The following CSNK1G1 variants were observed in gnomAD, a reference collection of about 807,000 sequenced individuals.
CSNK1G1 encodes the protein casein kinase I isoform gamma-1.
A neutral mutation model predicts 59.6 loss-of-function variants in CSNK1G1; 22 were observed. That is an observed-to-expected ratio of 0.37 (90% confidence interval 0.26 to 0.53). The LOEUF (loss-of-function observed/expected upper bound fraction) is 0.53. Ranked by LOEUF, CSNK1G1 falls within the 20% of genes least tolerant of loss-of-function variation. The pLI, the probability that CSNK1G1 is intolerant of heterozygous loss-of-function variation, is 0.89. For missense variants in CSNK1G1, 384 were observed against 519.5 expected (o/e 0.74, Z 2.54); for synonymous variants, 179 against 177.1 (o/e 1.01, Z -0.08).
chr15:64,282,356 T>A (rs572049780), intron 2 of CSNK1G1, among the ~76,000 whole-genome samples: 1 of 152,122 alleles, frequency 6.6e-6, no homozygotes, highest in South Asian at 2.1e-4. Context: ...AACCTCAGCC[T>A]CCCGGGTTCA....
chr15:64,213,972 G>A lies in CSNK1G1; in HGVS notation c.597C>T (p.Thr199=). Reference sequence around the variant, plus strand: ...GTTCCCTATAAGGTATGTGTTTTTTGGTTTCGGGGTCAATGTATTCCTTGG... The same window carrying A: ...GTTCCCTATAAGGTATGTGTTTTTTAGTTTCGGGGTCAATGTATTCCTTGG... The part of the protein sequence containing the change: ...GLAKEYIDPE[T]KKHIPYREHK... Residue 199 remains threonine (T), a synonymous_variant, in exon 6 of 12, where the codon ACC becomes ACT. Transcript: ENST00000303052. The A allele has an allele frequency of 6.2e-7, 1 of 1,613,998 alleles. No homozygotes were observed. Among genetic ancestry groups the A allele is most frequent in the South Asian group, 1.1e-5 (1 of 91,076 alleles).
At chr15:64,225,000 A>G (rs562382011) in intron 4 of CSNK1G1, among the ~76,000 whole-genome samples, 1 of 139,190 alleles carries the variant, frequency 7.2e-6, no homozygotes, top group East Asian at 2.1e-4. Flanking sequence ...TCCAAAATAC[A>G]CTTTTCTTTT....
intron 1 of CSNK1G1, among the ~76,000 whole-genome samples, chr15:64,342,082 G>A (rs534345046): frequency 2.0e-5 from 3 of 152,220 alleles, no homozygotes; most frequent in South Asian, 2.1e-4. Context: ...CGACAGTGAC[G>A]TCCCCTTGCA....
At chr15:64,189,571 G>T in intron 10 of CSNK1G1, 1 of 751,800 alleles carries the variant, frequency 1.3e-6, no homozygotes, top group Non-Finnish European at 1.7e-6. Context: ...CAGCTGCAGG[G>T]GTTAGGATGT....
At chr15:64,270,188 C>T (rs549010040) in intron 2 of CSNK1G1, among the ~76,000 whole-genome samples, 9 of 152,190 alleles carry the variant, frequency 5.9e-5, no homozygotes, top group Admixed American at 2.0e-4. Flanking sequence ...TGGATCTTCT[C>T]TCTTTTATTC....
At chr15:64,316,209 A>G (rs1000208805) in intron 1 of CSNK1G1, among the ~76,000 whole-genome samples, 1 of 134,330 alleles carries the variant, frequency 7.4e-6, no homozygotes, top group Non-Finnish European at 1.6e-5. Flanking sequence ...TTTAAAACAA[A>G]CAAACAAACA....
intron 1 of CSNK1G1, chr15:64,336,010 G>C (rs796550553): frequency 1.3e-5 from 2 of 152,120 alleles, no homozygotes; most frequent in African/African-American, 4.8e-5. Context: ...AATTTATGGA[G>C]CATGAATGAA....
intron 2 of CSNK1G1, among the ~76,000 whole-genome samples, chr15:64,276,588 C>T (rs768025589): frequency 2.6e-5 from 4 of 151,700 alleles, no homozygotes; most frequent in Non-Finnish European, 4.4e-5. Flanking sequence ...AAAAGAGTGA[C>T]GTACCAATGA....
chr15:64,288,346 G>C (rs1475977928), intron 2 of CSNK1G1, among the ~76,000 whole-genome samples: 1 of 151,914 alleles, frequency 6.6e-6, no homozygotes, highest in African/African-American at 2.4e-5. Context: ...ACGTCATTAG[G>C]GATGGCATCT....
chr15:64,261,336 C>T (rs780534199), intron 2 of CSNK1G1, among the ~76,000 whole-genome samples: 57 of 152,300 alleles, frequency 3.7e-4, no homozygotes, highest in Non-Finnish European at 2.4e-4. Context: ...TGCAGTGGCT[C>T]ATGCCTGTAA....
intron 2 of CSNK1G1, among the ~76,000 whole-genome samples, chr15:64,289,699 A>G (rs1894631728): frequency 6.6e-6 from 1 of 152,192 alleles, no homozygotes; most frequent in Admixed American, 6.5e-5. Flanking sequence ...CTAATATCCA[A>G]TTACAAGGAT....
At chr15:64,277,520 T>C (rs1185056676) in intron 2 of CSNK1G1, among the ~76,000 whole-genome samples, 1 of 147,074 alleles carries the variant, frequency 6.8e-6, no homozygotes, top group Non-Finnish European at 1.5e-5. Context: ...CTTTTACCCC[T>C]GCTACAAGTT....
At chr15:64,307,908 A>G (rs972727377) in intron 1 of CSNK1G1, among the ~76,000 whole-genome samples, 9 of 151,926 alleles carry the variant, frequency 5.9e-5, no homozygotes, top group African/African-American at 2.2e-4. Flanking sequence ...GGATGGTCTC[A>G]ACCTCCTGAC....
chr15:64,296,863 T>C (rs1358211676), intron 2 of CSNK1G1, among the ~76,000 whole-genome samples: 1 of 121,924 alleles, frequency 8.2e-6, no homozygotes, highest in Non-Finnish European at 1.7e-5. Context: ...AAACTCCATC[T>C]AAAAGAAAAA....
chr15:64,213,857 C>A, intron 6 of CSNK1G1, 33 bp downstream of exon 6: 1 of 1,376,058 alleles, frequency 7.3e-7, no homozygotes. Context: ...GTTCTAATGA[C>A]TCGCCCCTTT....
chr15:64,271,357 G>A (rs986076604), intron 2 of CSNK1G1, among the ~76,000 whole-genome samples: 1 of 151,112 alleles, frequency 6.6e-6, no homozygotes, highest in African/African-American at 2.4e-5. Flanking sequence ...GCCCCATCTT[G>A]GCTCACTGCA....
At chr15:64,268,597 G>C (rs1893108241) in intron 2 of CSNK1G1, among the ~76,000 whole-genome samples, 1 of 152,108 alleles carries the variant, frequency 6.6e-6, no homozygotes, top group African/African-American at 2.4e-5. Flanking sequence ...GTGTACCTTA[G>C]GTTAACTGGG....
intron 2 of CSNK1G1, among the ~76,000 whole-genome samples, chr15:64,260,339 TATATTTCTGTA>T (rs1401233034): frequency 6.6e-6 from 1 of 152,208 alleles, no homozygotes; most frequent in African/African-American, 2.4e-5. Flanking sequence ...CAGTAAATGT[TATATTTCTGTA>T]ATACATAGCG....
At chr15:64,264,978 A>C (rs117797095) in intron 2 of CSNK1G1, among the ~76,000 whole-genome samples, 3,865 of 152,304 alleles carry the variant, frequency 0.025, 76 homozygotes, top group Non-Finnish European at 0.04. Flanking sequence ...AAGGATGCCC[A>C]CTTTCACCAA....
Sources: allele counts gnomAD v4.1 joint callset (sites outside exome capture counted in the v4.1 genomes callset), GRCh38; gene constraint gnomAD v4.1.1; transcripts MANE v1.5; gene names NCBI Gene and HGNC (gene_info 2026-07-23, HGNC 2026-07-21).